AGAP9: variants seen among roughly 807,000 people sequenced by gnomAD.
AGAP9 encodes arf-GAP with GTPase, ANK repeat and PH domain-containing protein 9.
AGAP9 carries 23 observed loss-of-function variants against 55.6 expected under a neutral mutation model. The observed-to-expected ratio is 0.41, with a 90% CI of 0.30 to 0.59. The LOEUF (loss-of-function observed/expected upper bound fraction) is 0.59. AGAP9 is among the 20% of genes least tolerant of loss of function. The pLI is 0.25. For missense variants in AGAP9, 309 were observed against 808.1 expected (o/e 0.38, Z 7.49); for synonymous variants, 120 against 305.0 (o/e 0.39, Z 6.32).
Position 47,503,310 on chromosome 10 carries a change from A to G in AGAP9, c.819T>C (p.Ala273=), listed in dbSNP as rs1840396929. ...TGGCTCTGCCGCTCCCGATGGTGTC[A>G]GCATGATTCTCCGGGGCTTTCCTCT... ...DKERKAPENH[A]DTIGSGRAIP... The change falls in exon 8 of 8, where the codon GCT becomes GCC. Residue 273 remains alanine, a synonymous_variant. Coordinates refer to ENST00000452145, the MANE Select transcript of AGAP9 (RefSeq NM_001190810.1). 1 of 1,593,922 alleles carries G rather than the reference A, an allele frequency of 6.3e-7. No individual in the cohort carries two copies. Among genetic ancestry groups the G allele is most frequent in the Non-Finnish European group, 8.5e-7 (1 of 1,170,302 alleles).
At chr10:47,517,317 G>A (rs1840737410) in intron 4 of AGAP9, among the ~76,000 whole-genome samples, 1 of 83,192 alleles carries the variant, frequency 1.2e-5, no homozygotes, top group Non-Finnish European at 2.2e-5. Flanking sequence ...CTGTCGCCCA[G>A]GCTGGAGTGC....
In AGAP9 at chr10:47,510,080, T is replaced by C. The variant is rs1840572526; in HGVS notation, c.497+91A>G. The C allele has an allele frequency of 3.2e-5, 48 of 1,478,372 alleles. 1 individual carries two copies. The South Asian group carries it at 5.7e-4, about 18-fold the overall frequency. The allele number at this position is 1,478,372 out of a possible 1,614,324, so 91.6% of individuals were successfully genotyped here. On this transcript the variant is annotated intron_variant, in intron 5 of 7. Transcript: ENST00000452145. ...ATATCAATATATGGTTGACTCCAATTTCTTAAGCTGATTGCTGAAGAGGAC... is the reference window on the plus strand; with the variant it reads ...ATATCAATATATGGTTGACTCCAATCTCTTAAGCTGATTGCTGAAGAGGAC...
intron 5 of AGAP9, 38 bp from the exon 6 acceptor site, chr10:47,507,621 T>C (rs1222281679): frequency 6.5e-7 from 1 of 1,529,576 alleles, no homozygotes; most frequent in African/African-American, 1.5e-5. Flanking sequence ...ATAGATGTTA[T>C]CATTTGTTAG....
chr10:47,506,329 G>A (rs1392169904), intron 6 of AGAP9, among the ~76,000 whole-genome samples: 1 of 137,312 alleles, frequency 7.3e-6, no homozygotes, highest in Non-Finnish European at 1.6e-5. Context: ...TCATCTTATT[G>A]CTTCTTTTTC....
intron 2 of AGAP9, among the ~76,000 whole-genome samples, chr10:47,520,971 G>C (rs1840816185): frequency 8.7e-6 from 1 of 115,470 alleles, no homozygotes; most frequent in African/African-American, 4.0e-5. Flanking sequence ...CAAAATATAA[G>C]ATGTATTCTA....
Position 47,510,932 on chromosome 10 carries a change from A to AT in AGAP9, c.397-662dup, listed in dbSNP as rs1588949696. ...AGAATTTCTATTAATTAATTAATTA[A>AT]TTAATTTATTTATTTATTTATTTAT... On this transcript the variant is annotated intron_variant, in intron 4 of 7. Transcript: ENST00000452145. Among the ~76,000 whole-genome samples the AT allele has an allele frequency of 3.1e-3, 408 of 132,652 alleles. 10 individuals carry two copies. Among genetic ancestry groups the AT allele is most frequent in the Non-Finnish European group, 4.3e-3 (270 of 62,894 alleles). 87.0% of individuals were successfully genotyped at this position (132,652 alleles called of 152,430 possible). A position where few individuals can be genotyped will look rare whatever the true frequency, so the allele number is the denominator to read the frequency against.
At chr10:47,510,829 CAAAAAAA>C (rs1180008752) in intron 4 of AGAP9, among the ~76,000 whole-genome samples, 1 of 27,344 alleles carries the variant, frequency 3.7e-5, no homozygotes, top group Non-Finnish European at 6.3e-5. Context: ...GACTCCGTCT[CAAAAAAA>C]AAAAAAAAAA....
chr10:47,513,616 A>G (rs1840674229), intron 4 of AGAP9, among the ~76,000 whole-genome samples: 1 of 140,410 alleles, frequency 7.1e-6, no homozygotes, highest in Non-Finnish European at 1.5e-5. Context: ...TGGAGGCATG[A>G]CATTACCTGA....
chr10:47,503,937 CAAAAAAAAAAA>C (rs1186798630), intron 7 of AGAP9, among the ~76,000 whole-genome samples: 3 of 23,438 alleles, frequency 1.3e-4, no homozygotes, highest in African/African-American at 4.2e-4. Context: ...GAGAGTCCAT[CAAAAAAAAAAA>C]AAAAAAAAAA....
At chr10:47,519,488 G>A (rs1840781620) in intron 3 of AGAP9, among the ~76,000 whole-genome samples, 1 of 124,212 alleles carries the variant, frequency 8.1e-6, no homozygotes, top group Admixed American at 8.2e-5. Context: ...AAAAAAAAGA[G>A]TGTGGTACCT....
chr10:47,502,391 G>T lies in AGAP9; in HGVS notation c.1738C>A (p.Leu580Ile). The T allele has an allele frequency of 3.7e-6, 6 of 1,610,026 alleles. No homozygotes were observed. Among genetic ancestry groups the T allele is most frequent in the Non-Finnish European group, 5.1e-6 (6 of 1,179,634 alleles). ...KYEEKLFLAP[L>I]PCTELSLGQQ... ...CCCAGGGACAGCTCAGTGCAGGGTA[G>T]TGGGGCCAGAAAGAGCTTCTCCTCA... is the stretch of plus-strand genomic sequence containing the variant. The change falls in exon 8 of 8, where the codon CTA (leucine) becomes ATA (isoleucine). Residue 580 changes from leucine to isoleucine, a missense_variant. Physicochemically the swap from Leu to Ile is conservative, Grantham distance 5. Coordinates refer to ENST00000452145, the MANE Select transcript of AGAP9 (RefSeq NM_001190810.1).
chr10:47,509,059 C>G (rs1165594135), intron 5 of AGAP9, among the ~76,000 whole-genome samples: 6,853 of 116,692 alleles, frequency 0.059, 209 homozygotes, highest in African/African-American at 0.22. Context: ...CTCAAACTTG[C>G]TGGTGGCAAA....
chr10:47,513,331 C>A (rs1196042068), intron 4 of AGAP9, among the ~76,000 whole-genome samples: 2 of 142,136 alleles, frequency 1.4e-5, no homozygotes, highest in African/African-American at 5.1e-5. Flanking sequence ...CCGTGCCTGG[C>A]CCGATTATCT....
intron 2 of AGAP9, among the ~76,000 whole-genome samples, chr10:47,521,639 C>A: frequency 6.8e-6 from 1 of 146,264 alleles, no homozygotes; most frequent in Non-Finnish European, 1.5e-5. Context: ...TATTCAAGAA[C>A]CATATTATTA....
intron 2 of AGAP9, among the ~76,000 whole-genome samples, chr10:47,522,084 GC>G (rs1840858868): frequency 6.7e-6 from 1 of 150,118 alleles, no homozygotes; most frequent in Non-Finnish European, 1.5e-5. Context: ...ACCAAGCCCA[GC>G]CAAAACTGTA....
At chr10:47,511,904 GC>G (rs1315080000) in intron 4 of AGAP9, among the ~76,000 whole-genome samples, 17 of 57,814 alleles carry the variant, frequency 2.9e-4, no homozygotes, top group Non-Finnish European at 6.7e-5. Flanking sequence ...GTAAGGGAGG[GC>G]CCTTACTCTT....
At chr10:47,513,071 T>A (rs1258603412) in intron 4 of AGAP9, among the ~76,000 whole-genome samples, 3 of 140,390 alleles carry the variant, frequency 2.1e-5, no homozygotes. Flanking sequence ...CTTGCTCTGT[T>A]GCCCAGGCTG....
At chr10:47,510,816 T>A (rs1202730241) in intron 4 of AGAP9, among the ~76,000 whole-genome samples, 3 of 75,658 alleles carry the variant, frequency 4.0e-5, no homozygotes, top group African/African-American at 1.4e-4. Flanking sequence ...GGAGACAAAG[T>A]GAGACTCCGT....
intron 5 of AGAP9, 35 bp downstream of exon 5, chr10:47,510,136 A>G (rs1840574260): frequency 8.5e-7 from 1 of 1,178,162 alleles, no homozygotes; most frequent in Admixed American, 2.8e-5. Flanking sequence ...TTCCGAATAA[A>G]GGAATCTGTC....
Sources: gnomAD v4.1 joint callset for allele counts (sites outside exome capture counted in the v4.1 genomes callset) on GRCh38, gnomAD v4.1.1 for gene constraint, MANE v1.5 for transcripts, NCBI Gene and HGNC (gene_info 2026-07-23, HGNC 2026-07-21) for gene names.